ZPBP: variants seen among roughly 807,000 people sequenced by gnomAD.
The protein encoded by ZPBP is zona pellucida binding protein, also known as zona pellucida-binding protein 1.
A neutral mutation model predicts 44.8 loss-of-function variants in ZPBP; 26 were observed. The ratio of observed to expected loss-of-function variants is 0.58; its 90% CI spans 0.43 to 0.81. The LOEUF (loss-of-function observed/expected upper bound fraction) is 0.81. ZPBP is among the 30% of genes least tolerant of loss of function. The pLI is 0.00. For synonymous variants in ZPBP, 174 were observed against 153.2 expected, an observed-to-expected ratio of 1.14 and a Z score of -1.00; for missense variants, 409 against 434.0, an observed-to-expected ratio of 0.94 and a Z score of 0.51.
At chr7:49,956,897 A>C (rs1160502148) in intron 7 of ZPBP, among the ~76,000 whole-genome samples, 1 of 152,176 alleles carries the variant, frequency 6.6e-6, no homozygotes, top group Non-Finnish European at 1.5e-5. Context: ...AGACTTACTA[A>C]CCATAGTAAT....
At chr7:49,940,132 A>G (rs1476244975) in intron 7 of ZPBP, among the ~76,000 whole-genome samples, 1 of 151,982 alleles carries the variant, frequency 6.6e-6, no homozygotes, top group African/African-American at 2.4e-5. Context: ...TGAAAGCCAA[A>G]CCCTCTCTTT....
chr7:50,044,059 T>C (rs921002725), intron 4 of ZPBP, among the ~76,000 whole-genome samples: 1 of 152,182 alleles, frequency 6.6e-6, no homozygotes, highest in Admixed American at 6.5e-5. Flanking sequence ...TGCTCCTGAA[T>C]GACTACTGGG....
chr7:50,073,791 T>C (rs1224528340), intron 3 of ZPBP, among the ~76,000 whole-genome samples: 2 of 152,254 alleles, frequency 1.3e-5, no homozygotes, highest in African/African-American at 2.4e-5. Context: ...TATCCTAGAA[T>C]AGTATATCTG....
chr7:49,903,785 C>T (rs1562764511), intron 1 of ZPBP, among the ~76,000 whole-genome samples: 1 of 152,100 alleles, frequency 6.6e-6, no homozygotes. Context: ...GGGACACACA[C>T]AAAGAGTTTG....
chr7:50,043,622 G>T (rs1224102659), intron 4 of ZPBP, among the ~76,000 whole-genome samples: 3 of 152,158 alleles, frequency 2.0e-5, no homozygotes, highest in African/African-American at 7.2e-5. Flanking sequence ...AACAAGAAGA[G>T]CTAACTATCC....
chr7:50,018,502 A>T (rs1396280), intron 5 of ZPBP, among the ~76,000 whole-genome samples, 186 bp from the exon 6 acceptor site: 76,529 of 151,768 alleles, frequency 0.5, 20,061 homozygotes, highest in East Asian at 0.67. Context: ...ATAAATCAAG[A>T]CAACCTTATT....
chr7:50,026,225 G>A (rs4917004), intron 5 of ZPBP, among the ~76,000 whole-genome samples: 40,745 of 151,462 alleles, frequency 0.27, 6,081 homozygotes, highest in Non-Finnish European at 0.35. Flanking sequence ...TGATAAAAGG[G>A]CCAATCTATT....
intron 7 of ZPBP, among the ~76,000 whole-genome samples, chr7:49,953,962 C>T (rs939066326): frequency 1.3e-5 from 2 of 151,982 alleles, no homozygotes; most frequent in Admixed American, 6.6e-5. Context: ...TGCCAACCCT[C>T]AAATTCATAT....
intron 7 of ZPBP, among the ~76,000 whole-genome samples, chr7:49,945,965 G>A (rs1586112): frequency 0.78 from 118,202 of 151,938 alleles, 46,137 homozygotes; most frequent in East Asian, 0.89. Flanking sequence ...GGTGGTATAT[G>A]TACATATCCG....
chr7:50,090,032 A>C (rs1187389543), intron 1 of ZPBP, among the ~76,000 whole-genome samples: 1 of 152,098 alleles, frequency 6.6e-6, no homozygotes, highest in African/African-American at 2.4e-5. Flanking sequence ...TGTCCTTAGC[A>C]CTTCTTATCT....
At chr7:49,998,208 G>C (rs55997144) in intron 6 of ZPBP, among the ~76,000 whole-genome samples, 1 of 152,128 alleles carries the variant, frequency 6.6e-6, no homozygotes, top group African/African-American at 2.4e-5. Flanking sequence ...GAACCACCAC[G>C]CCCAGCCTAA....
chr7:49,878,618 T>C (rs568386431), intron 2 of ZPBP, among the ~76,000 whole-genome samples: 2 of 152,296 alleles, frequency 1.3e-5, no homozygotes, highest in African/African-American at 4.8e-5. Context: ...TATAATGACA[T>C]TCCAAGTTGT....
At position 49,998,712 on chromosome 7, in the gene ZPBP, CAG is replaced by C. The variant is rs1294513202; in HGVS notation, c.784-15195_784-15194del. ...AGAAACTCCAGAACCAGATGAGATT[CAG>C]AGTGATTAGTATCTTTAAATCTAGT... On this transcript the variant is annotated intron_variant, in intron 6 of 7. Transcript: ENST00000046087. 9.9e-5 allele frequency among the ~76,000 whole-genome samples: 15 copies of C among 152,072 alleles called. No individual in the cohort carries two copies. In the East Asian group the frequency reaches 2.5e-3, roughly 26 times the overall value.
chr7:49,906,161 T>G (rs1583806944), intron 1 of ZPBP, among the ~76,000 whole-genome samples: 1 of 152,164 alleles, frequency 6.6e-6, no homozygotes, highest in East Asian at 1.9e-4. Context: ...TGCTTTCACT[T>G]TACTCTATGG....
At chr7:49,948,921 T>C (rs1282944315) in intron 7 of ZPBP, among the ~76,000 whole-genome samples, 5 of 152,188 alleles carry the variant, frequency 3.3e-5, no homozygotes, top group Admixed American at 1.3e-4. Context: ...GTATGCATTA[T>C]GGACTTAACG....
downstream of ZPBP, among the ~76,000 whole-genome samples, chr7:49,937,001 T>C (rs1794641613): frequency 6.6e-6 from 1 of 152,154 alleles, no homozygotes; most frequent in Admixed American, 6.5e-5. Flanking sequence ...CACACTGAAC[T>C]ATATTAAAAA....
chr7:50,079,396 T>C (rs1285597567), intron 3 of ZPBP, among the ~76,000 whole-genome samples: 4 of 151,756 alleles, frequency 2.6e-5, no homozygotes, highest in African/African-American at 7.2e-5. Flanking sequence ...AGTAATCTTA[T>C]GTATTTATTA....
chr7:49,913,820 T>C (rs192886185), intron 1 of ZPBP: 57 of 152,210 alleles, frequency 3.7e-4, no homozygotes, highest in Admixed American at 3.4e-3. Flanking sequence ...TCAAGAAAAA[T>C]GGATACATCT....
intron 6 of ZPBP, among the ~76,000 whole-genome samples, chr7:49,990,639 C>CA (rs1797530003): frequency 6.6e-6 from 1 of 151,104 alleles, no homozygotes; most frequent in Non-Finnish European, 1.5e-5. Context: ...CTATGTTTTA[C>CA]AATAATTGGT....
Sources: allele counts gnomAD v4.1 joint callset (sites outside exome capture counted in the v4.1 genomes callset), GRCh38; gene constraint gnomAD v4.1.1; transcripts MANE v1.5; gene names NCBI Gene and HGNC (gene_info 2026-07-23, HGNC 2026-07-21).